Variants in ADAMTSL1 observed in about 807,000 individuals in gnomAD.
ADAMTSL1 encodes the protein ADAMTS-like protein 1.
Under a neutral mutation model 201.8 loss-of-function variants are expected in ADAMTSL1, and 126 were observed. The ratio of observed to expected loss-of-function variants is 0.62; its 90% CI spans 0.54 to 0.72. The LOEUF (loss-of-function observed/expected upper bound fraction) is 0.72. Among genes scored for constraint, ADAMTSL1 ranks in the 30% least tolerant of loss-of-function variants. The pLI is 0.00. For synonymous variants in ADAMTSL1, 1,121 were observed against 903.4 expected (o/e 1.24, Z -4.32); for missense variants, 2,679 against 2,277.8 (o/e 1.18, Z -3.59).
At chr9:17,963,524 A>G (rs1477569953) in intron 1 of ADAMTSL1, among the ~76,000 whole-genome samples, 1 of 152,158 alleles carries the variant, frequency 6.6e-6, no homozygotes, top group Middle Eastern at 3.2e-3. Flanking sequence ...CCGTATGAAA[A>G]ACAGTAGGGA....
intron 1 of ADAMTSL1, among the ~76,000 whole-genome samples, chr9:17,934,046 A>G (rs1826905706): frequency 6.6e-6 from 1 of 152,138 alleles, no homozygotes. Context: ...CTCTCACTGC[A>G]GTGGGAATGA....
chr9:18,236,537 C>G (rs1386710684), intron 2 of ADAMTSL1, among the ~76,000 whole-genome samples: 1 of 152,166 alleles, frequency 6.6e-6, no homozygotes, highest in African/African-American at 2.4e-5. Flanking sequence ...GCTTCCCTTT[C>G]CTGTGATGAT....
chr9:18,513,266 G>A (rs1818143531), intron 2 of ADAMTSL1, among the ~76,000 whole-genome samples: 1 of 151,658 alleles, frequency 6.6e-6, no homozygotes, highest in Non-Finnish European at 1.5e-5. Context: ...TAGCCATCTT[G>A]CATCACTGAA....
intron 1 of ADAMTSL1, among the ~76,000 whole-genome samples, chr9:17,956,611 G>T (rs1034386011): frequency 6.6e-6 from 1 of 152,092 alleles, no homozygotes; most frequent in African/African-American, 2.4e-5. Flanking sequence ...CAGTTTTCCT[G>T]CTCTCTCTCT....
At chr9:18,335,142 G>C (rs548908506) in intron 2 of ADAMTSL1, among the ~76,000 whole-genome samples, 2 of 152,066 alleles carry the variant, frequency 1.3e-5, no homozygotes, top group African/African-American at 4.8e-5. Flanking sequence ...CTTTGATAAA[G>C]ATATGTCCTT....
At chr9:18,502,554 A>G (rs937131423) in intron 1 of ADAMTSL1, among the ~76,000 whole-genome samples, 4 of 152,214 alleles carry the variant, frequency 2.6e-5, no homozygotes, top group Non-Finnish European at 5.9e-5. Context: ...TTAAGTTCTG[A>G]AAACAGAGCA....
intron 2 of ADAMTSL1, among the ~76,000 whole-genome samples, chr9:18,432,420 C>T (rs1309731100): frequency 2.6e-5 from 4 of 152,114 alleles, no homozygotes; most frequent in Non-Finnish European, 2.9e-5. Flanking sequence ...CTATGTTTCC[C>T]GTAGCAAATA....
intron 2 of ADAMTSL1, among the ~76,000 whole-genome samples, chr9:18,418,277 A>G (rs1366202876): frequency 1.3e-5 from 2 of 152,166 alleles, no homozygotes. Context: ...AGTGCGAAAG[A>G]CTGAACGTTT....
At chr9:18,498,338 CTT>C (rs1338838478) in intron 1 of ADAMTSL1, among the ~76,000 whole-genome samples, 1 of 141,052 alleles carries the variant, frequency 7.1e-6, no homozygotes. Flanking sequence ...CCCCCACCCC[CTT>C]TTTTTTTTTT....
chr9:18,249,645 T>A (rs1233315661), intron 2 of ADAMTSL1, among the ~76,000 whole-genome samples: 1 of 152,216 alleles, frequency 6.6e-6, no homozygotes, highest in East Asian at 1.9e-4. Context: ...TCATGGAAAT[T>A]CTTATGTGGC....
chr9:18,449,936 G>A (rs113404577), intron 2 of ADAMTSL1, among the ~76,000 whole-genome samples: 200 of 152,264 alleles, frequency 1.3e-3, no homozygotes, highest in African/African-American at 4.6e-3. Flanking sequence ...ATGCAAAATG[G>A]GAGAGTGCTT....
intron 7 of ADAMTSL1, among the ~76,000 whole-genome samples, chr9:18,645,565 A>G (rs893046215): frequency 2.6e-5 from 4 of 151,640 alleles, no homozygotes; most frequent in African/African-American, 9.7e-5. Flanking sequence ...TAATTTTTGT[A>G]TAAGGTGTGA....
At chr9:18,877,394 G>A (rs1030216525) in intron 23 of ADAMTSL1, among the ~76,000 whole-genome samples, 2 of 152,186 alleles carry the variant, frequency 1.3e-5, no homozygotes, top group Non-Finnish European at 2.9e-5. Context: ...AAGGGCTGCT[G>A]TTGAGATTCT....
intron 1 of ADAMTSL1, among the ~76,000 whole-genome samples, chr9:18,095,244 T>C (rs546713871): frequency 1.3e-5 from 2 of 152,106 alleles, no homozygotes; most frequent in South Asian, 4.1e-4. Context: ...TCACAGCCAA[T>C]AGATCACACA....
intron 20 of ADAMTSL1, among the ~76,000 whole-genome samples, chr9:18,811,427 A>T (rs1588149139): frequency 6.6e-6 from 1 of 152,310 alleles, no homozygotes; most frequent in East Asian, 1.9e-4. Flanking sequence ...GCCCAAGGTG[A>T]GGAGGCTCCT....
At chr9:17,977,841 A>C (rs146829535) in intron 1 of ADAMTSL1, among the ~76,000 whole-genome samples, 1 of 152,058 alleles carries the variant, frequency 6.6e-6, no homozygotes, top group Admixed American at 6.6e-5. Flanking sequence ...TGTTAGGTCT[A>C]TTTGGTCTAA....
intron 1 of ADAMTSL1, among the ~76,000 whole-genome samples, chr9:18,475,280 A>G (rs959171208): frequency 6.6e-6 from 1 of 152,206 alleles, no homozygotes; most frequent in Non-Finnish European, 1.5e-5. Context: ...AAATGTAGCA[A>G]ATGAATAGGT....
At chr9:18,449,753 G>T (rs528690033) in intron 2 of ADAMTSL1, among the ~76,000 whole-genome samples, 2 of 152,160 alleles carry the variant, frequency 1.3e-5, no homozygotes, top group Non-Finnish European at 2.9e-5. Flanking sequence ...ATAGATGCAG[G>T]TGTCAAATTA....
chr9:18,734,819 C>T (rs749557887), intron 15 of ADAMTSL1, among the ~76,000 whole-genome samples: 3 of 152,134 alleles, frequency 2.0e-5, no homozygotes, highest in Non-Finnish European at 4.4e-5. Context: ...AGTCCCAATC[C>T]AGGCTTTCCA....
Sources: allele counts gnomAD v4.1 joint callset (sites outside exome capture counted in the v4.1 genomes callset), GRCh38; gene constraint gnomAD v4.1.1; transcripts MANE v1.5; gene names NCBI Gene and HGNC (gene_info 2026-07-23, HGNC 2026-07-21).